Variants in CENATAC observed in about 807,000 individuals in gnomAD.
CENATAC encodes centrosomal AT-AC splicing factor.
CENATAC carries 53 observed loss-of-function variants against 53.7 expected under a neutral mutation model. The observed-to-expected ratio is 0.99, with a 90% CI of 0.79 to 1.24. The LOEUF is 1.24. Ranked by LOEUF, CENATAC falls within the 50% of genes most tolerant of loss-of-function variation. CENATAC has a pLI of 0.00. For synonymous variants in CENATAC, 156 were observed against 144.6 expected, an observed-to-expected ratio of 1.08 and a Z score of -0.57; for missense variants, 474 against 417.8, an observed-to-expected ratio of 1.13 and a Z score of -1.17.
chr11:119,007,483 T>TTTTA (rs989712543), intron 3 of CENATAC, among the ~76,000 whole-genome samples: 188 of 151,978 alleles, frequency 1.2e-3, no homozygotes, highest in Middle Eastern at 3.4e-3. Flanking sequence ...AATCTGGCCT[T>TTTTA]TTTATTTATT....
Position 119,015,150 on chromosome 11 carries a change from G to C in CENATAC, c.805+67G>C, listed in dbSNP as rs912736713. 3.0e-5 allele frequency: 45 copies of C among 1,481,530 alleles called. No individual in the cohort carries two copies. In the African/African-American group the frequency reaches 5.3e-4, roughly 18 times the overall value. The allele number at this position is 1,481,530 out of a possible 1,614,324, so 91.8% of individuals were successfully genotyped here. On this transcript the variant is annotated intron_variant, in intron 9 of 10. Coordinates refer to ENST00000334418, the MANE Select transcript of CENATAC (RefSeq NM_198489.3). ...ACTCAAAAATGGTTTCCTTGCCTGT[G>C]TGTGGTGGCTCATGGCTATAATCCT...
intron 2 of CENATAC, 140 bp from the exon 3 acceptor site, chr11:118,998,868 TGAA>T: frequency 1.4e-6 from 1 of 711,078 alleles, no homozygotes; most frequent in East Asian, 2.7e-5. Context: ...CACGAGATCT[TGAA>T]GAGATGGTAA....
At chr11:119,006,075 A>ACT (rs1942577292) in intron 3 of CENATAC, 1 of 58,490 alleles carries the variant, frequency 1.7e-5, no homozygotes, top group Non-Finnish European at 3.1e-5. Context: ...AGTAGGCAGG[A>ACT]TTTTTTTTTT....
intron 7 of CENATAC, chr11:119,012,878 A>G (rs1456625416): frequency 9.0e-6 from 2 of 221,088 alleles, no homozygotes; most frequent in African/African-American, 2.3e-5. Flanking sequence ...CTCTATTTCA[A>G]GTGGATGTAG....
At chr11:119,002,090 G>A (rs1942327173) in intron 3 of CENATAC, among the ~76,000 whole-genome samples, 1 of 151,626 alleles carries the variant, frequency 6.6e-6, no homozygotes, top group African/African-American at 2.4e-5. Flanking sequence ...TGGGCGTGTT[G>A]GTTTGTGCCT....
rs782293243 is a variant in CENATAC at position 119,010,797 on chromosome 11, C to T, written c.417C>T (p.Ser139=). 7 of 1,613,774 alleles carry T rather than the reference C, an allele frequency of 4.3e-6. No homozygotes were observed. The African/African-American group carries it at 8.0e-5, about 18-fold the overall frequency. ...FKKSMVKGLD[S]YEEKEDKVIK... ...AATCCATGGTGAAAGGTTTGGATTC[C>T]TATGAAGAAAAGGAGGATAAAGTGA... Residue 139 remains serine, a synonymous_variant, in exon 4 of 11, where the codon TCC becomes TCT. Transcript: ENST00000334418.
intron 7 of CENATAC, 121 bp from the exon 8 acceptor site, chr11:119,013,111 C>A: frequency 1.4e-6 from 1 of 694,260 alleles, no homozygotes; most frequent in Non-Finnish European, 2.5e-6. Context: ...GCAGAATTAG[C>A]ATTGTGGCAG....
intron 7 of CENATAC, chr11:119,012,576 C>A (rs932765465): frequency 1.2e-5 from 3 of 240,840 alleles, no homozygotes; most frequent in Non-Finnish European, 2.5e-5. Flanking sequence ...TCACTAGATG[C>A]AGATCCTTTC....
rs541867889 is a variant in CENATAC at position 118,998,481 on chromosome 11, C to T, written c.172C>T (p.Pro58Ser). Residue 58 changes from proline (P) to serine (S), a missense_variant, in exon 2 of 11, where the codon CCC (proline) becomes TCC (serine). Transcript: ENST00000334418. ...IRAAQVERYV[P>S]EHERCCWCLC... ...CGCCGCTCAGGTGGAGCGCTATGTG[C>T]CCGAACACGAGCGATGCTGCTGGTG... 1.9e-6 allele frequency: 3 copies of T among 1,613,306 alleles called. No homozygotes were observed. The highest frequency in any genetic ancestry group is 2.5e-6 in the Non-Finnish European group (3 of 1,179,818).
intron 3 of CENATAC, among the ~76,000 whole-genome samples, chr11:119,005,461 C>G (rs1022940262): frequency 1.3e-5 from 2 of 149,266 alleles, no homozygotes; most frequent in Non-Finnish European, 3.0e-5. Context: ...AGTGAGACCC[C>G]GTCTCAAAAA....
intron 3 of CENATAC, chr11:119,010,398 A>C (rs1452060277): frequency 4.8e-6 from 1 of 207,996 alleles, no homozygotes; most frequent in Non-Finnish European, 9.6e-6. Context: ...GTCTGAAGAC[A>C]TGTAAACCAT....
intron 3 of CENATAC, among the ~76,000 whole-genome samples, chr11:119,007,529 G>A (rs1942661188): frequency 6.6e-6 from 1 of 151,884 alleles, no homozygotes; most frequent in African/African-American, 2.4e-5. Flanking sequence ...TTGCTCTGTT[G>A]TCCAAGCTGG....
chr11:119,005,414 C>T (rs930065471), intron 3 of CENATAC, among the ~76,000 whole-genome samples: 3 of 150,032 alleles, frequency 2.0e-5, no homozygotes, highest in African/African-American at 4.9e-5. Flanking sequence ...TGCAGTGAGC[C>T]GAGATCATGC....
chr11:119,007,935 A>G (rs540481061), intron 3 of CENATAC, among the ~76,000 whole-genome samples: 1 of 152,254 alleles, frequency 6.6e-6, no homozygotes, highest in Non-Finnish European at 1.5e-5. Context: ...AAGGAAGACC[A>G]AAGAGCCAGC....
At chr11:119,001,229 T>A (rs997845732) in intron 3 of CENATAC, among the ~76,000 whole-genome samples, 10 of 152,204 alleles carry the variant, frequency 6.6e-5, no homozygotes, top group Admixed American at 6.5e-4. Context: ...GATACAACAC[T>A]TGAGTTCACT....
chr11:119,010,781 T>C lies in CENATAC; in HGVS notation c.401T>C (p.Val134Ala), dbSNP rs1378157960. ...CTTTTTAGATTCAAGAAATCCATGGTGAAAGGTTTGGATTCCTATGAAGAA... is the reference window on the plus strand; with the variant it reads ...CTTTTTAGATTCAAGAAATCCATGGCGAAAGGTTTGGATTCCTATGAAGAA... ...QDYARFKKSM[V>A]KGLDSYEEKE... is the part of the protein sequence containing the mutation. The change falls in exon 4 of 11, where the codon GTG becomes GCG. Residue 134 changes from valine (V) to alanine (A), a missense_variant. Val to Ala is a moderately conservative substitution (Grantham distance 64). Transcript: ENST00000334418. 1.2e-6 allele frequency: 2 copies of C among 1,613,952 alleles called. No homozygotes were observed. Among genetic ancestry groups the C allele is most frequent in the Non-Finnish European group, 1.7e-6 (2 of 1,179,978 alleles).
At chr11:119,011,504 C>G (rs1191607009) in intron 5 of CENATAC, among the ~76,000 whole-genome samples, 7 of 152,060 alleles carry the variant, frequency 4.6e-5, no homozygotes, top group Non-Finnish European at 8.8e-5. Flanking sequence ...CTCAGGCTCC[C>G]GAGTAGCTGG....
intron 5 of CENATAC, among the ~76,000 whole-genome samples, chr11:119,011,535 C>T (rs980532205): frequency 2.6e-5 from 4 of 152,114 alleles, no homozygotes; most frequent in South Asian, 2.1e-4. Flanking sequence ...GCCGCCACCA[C>T]GCCTGGCTAA....
intron 3 of CENATAC, among the ~76,000 whole-genome samples, chr11:119,000,437 CTTT>C (rs138391837): frequency 3.2e-4 from 42 of 132,048 alleles, no homozygotes; most frequent in African/African-American, 7.5e-4. Context: ...CATGAATTTC[CTTT>C]TTTTTTTTTT....
Sources: allele counts gnomAD v4.1 joint callset (sites outside exome capture counted in the v4.1 genomes callset), GRCh38; gene constraint gnomAD v4.1.1; transcripts MANE v1.5; gene names NCBI Gene and HGNC (gene_info 2026-07-23, HGNC 2026-07-21).